The following UPP2 variants were observed in gnomAD, a reference collection of about 807,000 sequenced individuals.
UPP2 encodes uridine phosphorylase 2.
Under a neutral mutation model 26.7 loss-of-function variants are expected in UPP2, and 23 were observed. That is an observed-to-expected ratio of 0.86 (90% CI 0.62 to 1.22). The LOEUF (loss-of-function observed/expected upper bound fraction) is 1.22. Among genes scored for constraint, UPP2 ranks in the 50% most tolerant of loss-of-function variants. The pLI, the probability that UPP2 is intolerant of heterozygous loss-of-function variation, is 0.00. For synonymous variants in UPP2, 127 were observed against 141.3 expected (o/e 0.90, Z 0.72); for missense variants, 387 against 396.7 (o/e 0.98, Z 0.21).
intron 3 of UPP2, among the ~76,000 whole-genome samples, chr2:158,071,703 A>G (rs1275164372): frequency 6.6e-6 from 1 of 152,130 alleles, no homozygotes; most frequent in African/African-American, 2.4e-5. Context: ...TCCCCCAGAC[A>G]ACATTTCTAT....
At chr2:158,134,492 T>C (rs1683890642) in intron 6 of UPP2, among the ~76,000 whole-genome samples, 1 of 152,200 alleles carries the variant, frequency 6.6e-6, no homozygotes, top group Non-Finnish European at 1.5e-5. Flanking sequence ...TGAGCCTTAA[T>C]CTAGTCAATT....
intron 3 of UPP2, among the ~76,000 whole-genome samples, chr2:158,075,910 A>C (rs1391404430): frequency 6.6e-6 from 1 of 151,828 alleles, no homozygotes; most frequent in Admixed American, 6.6e-5. Context: ...AGATTTTTTG[A>C]AAAGATAAAT....
At chr2:158,003,185 A>G (rs971186062) in intron 2 of UPP2, among the ~76,000 whole-genome samples, 2 of 152,030 alleles carry the variant, frequency 1.3e-5, no homozygotes, top group African/African-American at 4.8e-5. Flanking sequence ...ACACAGAGAA[A>G]GAAGGACTTT....
chr2:158,029,315 AT>A (rs774142194), intron 3 of UPP2, among the ~76,000 whole-genome samples: 1 of 152,228 alleles, frequency 6.6e-6, no homozygotes, highest in Non-Finnish European at 1.5e-5. Context: ...CTTTAAAAAA[AT>A]GTTTTCTTTG....
chr2:158,114,554 G>A (rs1177684725), intron 2 of UPP2, among the ~76,000 whole-genome samples: 1 of 152,090 alleles, frequency 6.6e-6, no homozygotes, highest in Non-Finnish European at 1.5e-5. Context: ...CAATAATAAG[G>A]CTTGTTCCAT....
chr2:158,096,499 T>C (rs369871699), intron 3 of UPP2, among the ~76,000 whole-genome samples: 1 of 152,298 alleles, frequency 6.6e-6, no homozygotes, highest in South Asian at 2.1e-4. Context: ...CTCAGGAGGC[T>C]GAGGCAGGAG....
At chr2:158,047,389 A>G (rs1164907069) in intron 3 of UPP2, among the ~76,000 whole-genome samples, 3 of 152,238 alleles carry the variant, frequency 2.0e-5, no homozygotes, top group African/African-American at 7.2e-5. Flanking sequence ...CTACTGGTTT[A>G]CTTGAACGTC....
In UPP2 at chr2:158,106,210, T is replaced by C. The variant is rs749812134; in HGVS notation, c.174T>C (p.Asp58=). Residue 58 remains aspartate (D), a synonymous_variant, in exon 2 of 7, where the codon GAT becomes GAC. Transcript: ENST00000005756. ...KTHNLPAMFG[D]VKFVCVGGSP... ...ACAACCTACCAGCAATGTTTGGAGA[T>C]GTAAAGGTAAAAACATTTCTAATTT... 4 of 1,605,186 alleles carry C rather than the reference T, an allele frequency of 2.5e-6. No individual in the cohort carries two copies. In the Admixed American group the frequency reaches 6.9e-5, roughly 28 times the overall value.
chr2:158,056,830 C>T (rs1452898099), intron 3 of UPP2, among the ~76,000 whole-genome samples: 1 of 152,190 alleles, frequency 6.6e-6, no homozygotes, highest in Non-Finnish European at 1.5e-5. Context: ...GTACTGGGAG[C>T]TAGAATGTCA....
intron 3 of UPP2, among the ~76,000 whole-genome samples, chr2:158,068,011 C>G (rs987823886): frequency 1.3e-5 from 2 of 152,178 alleles, no homozygotes; most frequent in East Asian, 3.9e-4. Flanking sequence ...TTATTATTAG[C>G]AATTCTGTAA....
At chr2:158,104,847 G>A (rs1683146722) in intron 1 of UPP2, among the ~76,000 whole-genome samples, 1 of 151,220 alleles carries the variant, frequency 6.6e-6, no homozygotes, top group Admixed American at 6.6e-5. Flanking sequence ...GCTTGAACCA[G>A]GAGGCGGAGG....
In UPP2 at chr2:158,083,999, G is replaced by A. The variant is rs558890875; in HGVS notation, c.148-18041G>A. Among the ~76,000 whole-genome samples, 55 of 150,954 alleles carry A rather than the reference G, an allele frequency of 3.6e-4. 1 individual carries two copies. The South Asian group carries it at 0.01, about 29-fold the overall frequency. ...TGTGTAGGTATCTTTTTCATATAAT[G>A]ACTTCTTTTCCTCTGAGTAGATATC... On this transcript the variant is annotated intron_variant, in intron 3 of 9. Coordinates refer to the UPP2 transcript ENST00000605860.
At chr2:158,092,348 A>G (rs1348146343) in intron 3 of UPP2, among the ~76,000 whole-genome samples, 1 of 152,220 alleles carries the variant, frequency 6.6e-6, no homozygotes, top group Non-Finnish European at 1.5e-5. Flanking sequence ...AGATGCAACC[A>G]GAAAGAAGAG....
chr2:158,004,072 C>T (rs996088554), intron 2 of UPP2, among the ~76,000 whole-genome samples: 2 of 152,130 alleles, frequency 1.3e-5, no homozygotes, highest in Non-Finnish European at 2.9e-5. Flanking sequence ...AGTAAGCTCT[C>T]AATAACTATT....
At position 158,082,562 on chromosome 2, in the gene UPP2, G is replaced by T. The variant is rs538078792; in HGVS notation, c.148-19478G>T. Among the ~76,000 whole-genome samples the T allele has an allele frequency of 4.6e-5, 7 of 152,188 alleles. No homozygotes were observed. The South Asian group carries it at 1.5e-3, about 32-fold the overall frequency. ...ACACCTTATACAAAAATTAACTTAA[G>T]ATGGATTAAAGACTTAAACGTAAGA... On this transcript the variant is annotated intron_variant, in intron 3 of 9. Coordinates refer to the UPP2 transcript ENST00000605860.
At chr2:158,111,330 T>C (rs1393352043) in intron 2 of UPP2, among the ~76,000 whole-genome samples, 2 of 152,212 alleles carry the variant, frequency 1.3e-5, no homozygotes, top group African/African-American at 4.8e-5. Context: ...CTGACTCTTA[T>C]GGTTATGGAA....
chr2:158,051,779 T>TCAA lies in UPP2; in HGVS notation c.147+35915_147+35917dup, dbSNP rs57339979. 9.5e-3 allele frequency among the ~76,000 whole-genome samples: 1,430 copies of TCAA among 150,420 alleles called. 23 individuals are homozygous for TCAA. The highest frequency in any genetic ancestry group is 0.031 in the African/African-American group (1,246 of 40,804). On this transcript the variant is annotated intron_variant, in intron 3 of 9. Transcript: ENST00000605860. ...CCGGGCAACAGGGCAAGACTCCACC[T>TCAA]CAACAACAACAACAACAACAACAAA...
At chr2:158,074,690 TACACACAC>T (rs56277459) in intron 3 of UPP2, among the ~76,000 whole-genome samples, 8 of 135,476 alleles carry the variant, frequency 5.9e-5, no homozygotes, top group African/African-American at 8.4e-5. Flanking sequence ...AAGACCTTCA[TACACACAC>T]ACACACACAC....
intron 2 of UPP2, among the ~76,000 whole-genome samples, chr2:158,012,767 C>T (rs971078846): frequency 2.6e-5 from 4 of 152,134 alleles, no homozygotes; most frequent in African/African-American, 7.2e-5. Context: ...TTTATGAAGT[C>T]ACTACAAGGA....
Sources: allele counts gnomAD v4.1 joint callset (sites outside exome capture counted in the v4.1 genomes callset), GRCh38; gene constraint gnomAD v4.1.1; transcripts MANE v1.5; gene names NCBI Gene and HGNC (gene_info 2026-07-23, HGNC 2026-07-21).